The following MYOCD variants were observed in gnomAD, a reference collection of about 807,000 sequenced individuals.
MYOCD encodes the protein myocardin.
MYOCD carries 32 observed loss-of-function variants against 96.1 expected under a neutral mutation model. The observed-to-expected ratio is 0.33, with a 90% CI of 0.25 to 0.45. The LOEUF (loss-of-function observed/expected upper bound fraction) is 0.45, where lower values mean the gene tolerates loss of function less well. MYOCD is among the 20% of genes least tolerant of loss of function. The pLI, the probability that MYOCD is intolerant of heterozygous loss-of-function variation, is 1.00. For synonymous variants in MYOCD, 469 were observed against 469.0 expected (o/e 1.00, Z 0.00); for missense variants, 1,133 against 1,200.6 (o/e 0.94, Z 0.83).
At chr17:12,677,509 G>A (rs975624892) in intron 1 of MYOCD, among the ~76,000 whole-genome samples, 12 of 151,958 alleles carry the variant, frequency 7.9e-5, no homozygotes, top group African/African-American at 2.9e-4. Flanking sequence ...TCAGGAGATC[G>A]AGACCAACCT....
At chr17:12,670,359 C>T (rs904815241) in intron 1 of MYOCD, among the ~76,000 whole-genome samples, 2 of 152,150 alleles carry the variant, frequency 1.3e-5, no homozygotes, top group Non-Finnish European at 2.9e-5. Flanking sequence ...CTCTCTCTGT[C>T]GTTTCTCTAT....
Position 12,763,763 on chromosome 17 carries a change from T to C in MYOCD, c.*119T>C. The stretch of plus-strand genomic sequence containing the variant: ...GAAGAAGAGAATTAAAAAGAAGCAA[T>C]GATTTCTGTGCCAATGAACAAGAAC... On this transcript the variant is annotated 3_prime_UTR_variant, in exon 14 of 14. Transcript: ENST00000425538. 1 of 929,002 alleles carries C rather than the reference T, an allele frequency of 1.1e-6. No individual in the cohort carries two copies. 57.5% of individuals were successfully genotyped at this position (929,002 alleles called of 1,614,324 possible). A position where few individuals can be genotyped will look rare whatever the true frequency, so the allele number is the denominator to read the frequency against.
intron 8 of MYOCD, among the ~76,000 whole-genome samples, chr17:12,745,584 A>T (rs761400869): frequency 1.7e-4 from 26 of 152,136 alleles, no homozygotes; most frequent in Non-Finnish European, 3.1e-4. Context: ...TCCTCAGACT[A>T]TATACTAGCA....
chr17:12,704,463 A>G (rs1192999609), intron 1 of MYOCD, among the ~76,000 whole-genome samples: 3 of 152,240 alleles, frequency 2.0e-5, no homozygotes, highest in Non-Finnish European at 4.4e-5. Context: ...TTTATAATGT[A>G]TAATTTTGAG....
intron 9 of MYOCD, among the ~76,000 whole-genome samples, chr17:12,747,162 G>A (rs1193167950): frequency 6.6e-6 from 1 of 152,104 alleles, no homozygotes; most frequent in Non-Finnish European, 1.5e-5. Context: ...GAATCATAAA[G>A]AGGTCAAATG....
intron 1 of MYOCD, among the ~76,000 whole-genome samples, chr17:12,683,453 T>TCGTG (rs1218344035): frequency 3.3e-5 from 5 of 152,172 alleles, no homozygotes; most frequent in Non-Finnish European, 2.9e-5. Flanking sequence ...TCGCTTTCTC[T>TCGTG]CGTGCGCGCG....
intron 2 of MYOCD, among the ~76,000 whole-genome samples, chr17:12,715,245 G>A (rs763021399): frequency 2.0e-5 from 3 of 152,020 alleles, no homozygotes; most frequent in South Asian, 2.1e-4. Flanking sequence ...TATTTCCTCC[G>A]GAACTTGGAA....
chr17:12,686,682 G>C (rs995363038), intron 1 of MYOCD, among the ~76,000 whole-genome samples: 4 of 152,182 alleles, frequency 2.6e-5, no homozygotes, highest in Non-Finnish European at 5.9e-5. Flanking sequence ...TCTTGTAGTT[G>C]CCAAGGGCAC....
At chr17:12,708,557 T>C (rs572883050) in intron 2 of MYOCD, among the ~76,000 whole-genome samples, 5 of 152,196 alleles carry the variant, frequency 3.3e-5, no homozygotes, top group African/African-American at 1.2e-4. Flanking sequence ...CATGCCTGGC[T>C]AATTTTTTGT....
chr17:12,753,147 A>G lies in MYOCD; in HGVS notation c.1859A>G (p.Gln620Arg). Residue 620 changes from glutamine (Q) to arginine (R), a missense_variant, in exon 10 of 14, where the codon CAA becomes CGA. Transcript: ENST00000425538. ...GCTCATTGTGTGGAGTCCTCAGATC[A>G]AACCAATGTACTTTCTTCCACATTT... ...GNAHCVESSD[Q>R]TNVLSSTFLS... The G allele has an allele frequency of 6.2e-7, 1 of 1,614,170 alleles. No individual in the cohort carries two copies.
chr17:12,726,650 G>A (rs1202462676), intron 5 of MYOCD, among the ~76,000 whole-genome samples: 1 of 152,126 alleles, frequency 6.6e-6, no homozygotes, highest in Non-Finnish European at 1.5e-5. Context: ...AGTCCTGTCT[G>A]CCACAATATT....
chr17:12,684,102 TTCTC>T (rs976174712), intron 1 of MYOCD, among the ~76,000 whole-genome samples: 57 of 151,504 alleles, frequency 3.8e-4, no homozygotes, highest in Admixed American at 3.2e-3. Flanking sequence ...CTTTCTCTCA[TTCTC>T]TCTCTCTCTC....
intron 9 of MYOCD, among the ~76,000 whole-genome samples, chr17:12,750,012 G>A (rs983799339): frequency 2.0e-5 from 3 of 151,906 alleles, no homozygotes; most frequent in African/African-American, 7.3e-5. Flanking sequence ...ATCATGCCCA[G>A]CTAATTTTTT....
intron 9 of MYOCD, among the ~76,000 whole-genome samples, chr17:12,751,956 C>T (rs1199241134): frequency 1.3e-5 from 2 of 152,174 alleles, no homozygotes; most frequent in Non-Finnish European, 2.9e-5. Flanking sequence ...TCCAGTGGTT[C>T]TGGCGCATGT....
intron 1 of MYOCD, among the ~76,000 whole-genome samples, chr17:12,689,613 C>T (rs572959355): frequency 6.6e-6 from 1 of 152,284 alleles, no homozygotes; most frequent in East Asian, 1.9e-4. Context: ...AGGCGGATCA[C>T]TTGAGGTCAG....
intron 9 of MYOCD, among the ~76,000 whole-genome samples, chr17:12,749,629 A>G (rs925549065): frequency 6.8e-6 from 1 of 146,076 alleles, no homozygotes; most frequent in Non-Finnish European, 1.5e-5. Context: ...CAAAACCTAT[A>G]TATACGTGTG....
At position 12,745,981 on chromosome 17, in the gene MYOCD, C is replaced by T. The variant is rs1394360964; in HGVS notation, c.1034C>T (p.Pro345Leu). The stretch of plus-strand genomic sequence containing the variant: ...TCTTCAACGCCACTGAGCAATACCC[C>T]CTTGTCTCCTGTCAAAAACAGTTTT... The part of the protein sequence containing the change: ...NSSSTPLSNT[P>L]LSPVKNSFSG... Residue 345 changes from proline to leucine, a missense_variant, in exon 9 of 14, where the codon CCC becomes CTC. Transcript: ENST00000425538. 1.2e-6 allele frequency: 2 copies of T among 1,614,202 alleles called. No individual in the cohort carries two copies. Among genetic ancestry groups the T allele is most frequent in the Non-Finnish European group, 1.7e-6 (2 of 1,180,028 alleles).
At chr17:12,684,775 G>A (rs566002555) in intron 1 of MYOCD, among the ~76,000 whole-genome samples, 6 of 151,456 alleles carry the variant, frequency 4.0e-5, no homozygotes, top group African/African-American at 1.5e-4. Context: ...GAACCTGGGA[G>A]GTGGGGGTTG....
intron 2 of MYOCD, among the ~76,000 whole-genome samples, chr17:12,709,071 G>A (rs2031396238): frequency 6.6e-6 from 1 of 152,174 alleles, no homozygotes; most frequent in Non-Finnish European, 1.5e-5. Context: ...TGAATGAAAG[G>A]TTTCACTGAC....
Sources: allele counts gnomAD v4.1 joint callset (sites outside exome capture counted in the v4.1 genomes callset), GRCh38; gene constraint gnomAD v4.1.1; transcripts MANE v1.5; gene names NCBI Gene and HGNC (gene_info 2026-07-23, HGNC 2026-07-21).